The following ERC1 variants were observed in gnomAD, a reference collection of about 807,000 sequenced individuals.
ERC1 encodes RAB6 interacting protein 2.
ERC1 carries 56 observed loss-of-function variants against 132.0 expected under a neutral mutation model. That is an observed-to-expected ratio of 0.42 (90% CI 0.34 to 0.53). The LOEUF (loss-of-function observed/expected upper bound fraction) is 0.53, where lower values mean the gene tolerates loss of function less well. ERC1 is among the 20% of genes least tolerant of loss of function. The pLI, the probability that ERC1 is intolerant of heterozygous loss-of-function variation, is 0.03. For synonymous variants in ERC1, 478 were observed against 476.1 expected (o/e 1.00, Z -0.05); for missense variants, 1,202 against 1,349.9 (o/e 0.89, Z 1.72).
chr12:1,059,283 G>C (rs1300207957), intron 2 of ERC1, among the ~76,000 whole-genome samples: 1 of 152,154 alleles, frequency 6.6e-6, no homozygotes, highest in African/African-American at 2.4e-5. Context: ...TCTGCAAACA[G>C]GGACATTTGA....
At chr12:1,400,808 A>G (rs1157369005) in intron 16 of ERC1, among the ~76,000 whole-genome samples, 1 of 151,066 alleles carries the variant, frequency 6.6e-6, no homozygotes, top group Non-Finnish European at 1.5e-5. Context: ...CTTTATGCTG[A>G]TAACACACTG....
intron 4 of ERC1, 31 bp from the exon 5 acceptor site, chr12:1,110,161 C>A: frequency 6.4e-7 from 1 of 1,551,972 alleles, no homozygotes; most frequent in Non-Finnish European, 8.7e-7. Context: ...TTTGTGAATA[C>A]TTCAATCACT....
chr12:1,488,748 T>C (rs2094280927), intron 18 of ERC1, among the ~76,000 whole-genome samples: 4 of 152,374 alleles, frequency 2.6e-5, no homozygotes, highest in East Asian at 3.9e-4. Context: ...CCTTCGTTCT[T>C]GGTCTTATTT....
intron 2 of ERC1, among the ~76,000 whole-genome samples, chr12:1,036,233 C>CA (rs1323575376): frequency 2.7e-5 from 4 of 150,782 alleles, no homozygotes; most frequent in Non-Finnish European, 5.9e-5. Context: ...TTCAGAACTG[C>CA]AAAAAGATAA....
intron 18 of ERC1, among the ~76,000 whole-genome samples, chr12:1,465,079 TC>T (rs545611702): frequency 3.5e-4 from 54 of 152,254 alleles, no homozygotes; most frequent in Admixed American, 3.4e-3. Flanking sequence ...TTATTTACCA[TC>T]CTGGAATTTT....
rs141871711 is a variant in ERC1 at position 1,300,834 on chromosome 12, C to T, written c.2780+10822C>T. Reference sequence around the variant, plus strand: ...GTGAGGTTGCAGAGAAAAAGGAACTCTTACACACTGTCGGTGGGAGTATAA... The same window carrying T: ...GTGAGGTTGCAGAGAAAAAGGAACTTTTACACACTGTCGGTGGGAGTATAA... On this transcript the variant is annotated intron_variant, in intron 15 of 18. Transcript: ENST00000360905. 4.6e-3 allele frequency among the ~76,000 whole-genome samples: 694 copies of T among 152,202 alleles called. 2 individuals are homozygous for T. The highest frequency in any genetic ancestry group is 0.014 in the African/African-American group (575 of 41,524).
intron 7 of ERC1, among the ~76,000 whole-genome samples, chr12:1,124,173 A>G (rs955704335): frequency 6.6e-6 from 1 of 152,218 alleles, no homozygotes; most frequent in African/African-American, 2.4e-5. Context: ...AACATAGAGA[A>G]TAAACAATAT....
intron 3 of ERC1, among the ~76,000 whole-genome samples, chr12:1,085,611 A>G (rs9738441): frequency 0.14 from 246 of 1,700 alleles, 72 homozygotes; most frequent in East Asian, 0.75. Flanking sequence ...TGCCTGGCCC[A>G]TTATTATTAT....
At chr12:1,156,958 T>C (rs1373535082) in intron 8 of ERC1, among the ~76,000 whole-genome samples, 1 of 152,206 alleles carries the variant, frequency 6.6e-6, no homozygotes, top group Non-Finnish European at 1.5e-5. Context: ...AAATACATTT[T>C]CCTGTTTTTT....
At chr12:1,484,583 CTT>C (rs542712129) in intron 18 of ERC1, among the ~76,000 whole-genome samples, 2,867 of 138,074 alleles carry the variant, frequency 0.021, 90 homozygotes, top group African/African-American at 0.073. Context: ...TTTTCTTTTC[CTT>C]TTTTTTTTTT....
chr12:1,137,318 C>CT (rs986410874), intron 7 of ERC1, among the ~76,000 whole-genome samples: 7 of 151,246 alleles, frequency 4.6e-5, no homozygotes, highest in African/African-American at 1.5e-4. Context: ...AGGATGGTCT[C>CT]TATCTCCTGA....
chr12:1,109,230 G>T (rs942929306), intron 4 of ERC1, among the ~76,000 whole-genome samples: 3 of 152,186 alleles, frequency 2.0e-5, no homozygotes, highest in East Asian at 1.9e-4. Context: ...ATAATGTTCT[G>T]TTGGAAGGTG....
At chr12:1,278,988 A>G (rs1251039890) in intron 14 of ERC1, among the ~76,000 whole-genome samples, 1 of 152,202 alleles carries the variant, frequency 6.6e-6, no homozygotes, top group Non-Finnish European at 1.5e-5. Context: ...TATACTCAAC[A>G]TGAACTTGGA....
chr12:1,276,576 T>G (rs989719257), intron 14 of ERC1, among the ~76,000 whole-genome samples: 4 of 144,496 alleles, frequency 2.8e-5, no homozygotes, highest in African/African-American at 1.1e-4. Context: ...TTAGTCCTGT[T>G]TTTTTTTTTT....
At chr12:1,322,532 A>G (rs1299498259) in intron 15 of ERC1, among the ~76,000 whole-genome samples, 9 of 152,220 alleles carry the variant, frequency 5.9e-5, no homozygotes, top group African/African-American at 2.2e-4. Flanking sequence ...GATAAAATCT[A>G]GCACTTACAG....
intron 15 of ERC1, among the ~76,000 whole-genome samples, chr12:1,305,947 T>C (rs1428354357): frequency 6.6e-6 from 1 of 152,226 alleles, no homozygotes; most frequent in Non-Finnish European, 1.5e-5. Context: ...CAGAAGGCAA[T>C]GATGAAAGAT....
intron 15 of ERC1, among the ~76,000 whole-genome samples, chr12:1,356,351 G>C (rs923008531): frequency 4.0e-5 from 6 of 151,730 alleles, no homozygotes; most frequent in African/African-American, 1.5e-4. Flanking sequence ...CTTTACTGCT[G>C]TTGTTTTAAA....
At chr12:1,422,869 G>GT (rs1268828880) in intron 17 of ERC1, among the ~76,000 whole-genome samples, 14 of 152,126 alleles carry the variant, frequency 9.2e-5, no homozygotes, top group African/African-American at 3.1e-4. Context: ...GTTATTTTTT[G>GT]TTTTTTGGGG....
chr12:1,256,786 T>C (rs2076846201), intron 13 of ERC1, among the ~76,000 whole-genome samples: 1 of 150,896 alleles, frequency 6.6e-6, no homozygotes, highest in Admixed American at 6.6e-5. Flanking sequence ...CTTTATATTT[T>C]AGGTATGTTT....
Sources: gnomAD v4.1 joint callset for allele counts (sites outside exome capture counted in the v4.1 genomes callset) on GRCh38, gnomAD v4.1.1 for gene constraint, MANE v1.5 for transcripts, NCBI Gene and HGNC (gene_info 2026-07-23, HGNC 2026-07-21) for gene names.